Variants in EXO1 observed in about 807,000 individuals in gnomAD.
The protein encoded by EXO1 is exonuclease 1.
Under a neutral mutation model 84.5 loss-of-function variants are expected in EXO1, and 69 were observed. The observed-to-expected ratio is 0.82, with a 90% confidence interval of 0.67 to 1.00. EXO1 has a LOEUF of 1.00. EXO1 is among the 50% of genes least tolerant of loss of function. The pLI is 0.00. For missense variants in EXO1, 1,045 were observed against 1,000.7 expected, an observed-to-expected ratio of 1.04 and a Z score of -0.60; for synonymous variants, 373 against 366.1, an observed-to-expected ratio of 1.02 and a Z score of -0.21.
intron 13 of EXO1, among the ~76,000 whole-genome samples, chr1:241,879,620 C>G (rs553878221): frequency 2.6e-5 from 4 of 152,112 alleles, no homozygotes; most frequent in Non-Finnish European, 5.9e-5. Context: ...ACAGTTAAAA[C>G]CGAGGCAGAG....
At chr1:241,854,933 G>C (rs1660885778) in intron 6 of EXO1, among the ~76,000 whole-genome samples, 1 of 151,918 alleles carries the variant, frequency 6.6e-6, no homozygotes, top group African/African-American at 2.4e-5. Flanking sequence ...CAGCTCTTAA[G>C]GCAGCGCGTC....
At position 241,872,024 on chromosome 1, in the gene EXO1, T is replaced by C. The variant is rs1662127280; in HGVS notation, c.1268-8T>C. The C allele has an allele frequency of 1.2e-6, 2 of 1,612,492 alleles. No homozygotes were observed. The highest frequency in any genetic ancestry group is 1.3e-5 in the African/African-American group (1 of 74,864). The stretch of plus-strand genomic sequence containing the variant: ...CAAAGATTTACAGATAATTTTGTTT[T>C]TATTTAGCAGAGCTGTCAGAAGATG... On this transcript the variant is annotated splice_polypyrimidine_tract_variant and splice_region_variant and intron_variant, in intron 11 of 15. Coordinates refer to ENST00000366548, the MANE Select transcript of EXO1 (RefSeq NM_130398.4).
chr1:241,858,384 A>G (rs1574142062), intron 7 of EXO1, 122 bp from the exon 8 acceptor site: 12 of 676,708 alleles, frequency 1.8e-5, no homozygotes, highest in Middle Eastern at 2.8e-4. Context: ...CTGTCTATCT[A>G]TGTCTCCTGT....
rs1454280448 is a variant in EXO1 at position 241,848,821 on chromosome 1, A to AT, written c.-327dup. 7.2e-5 allele frequency: 11 copies of AT among 152,156 alleles called. No individual in the cohort carries two copies. The highest frequency in any genetic ancestry group is 2.7e-4 in the African/African-American group (11 of 41,434). 9.4% of individuals were successfully genotyped at this position (152,156 alleles called of 1,614,324 possible). The stretch of plus-strand genomic sequence containing the variant: ...GGGATAAAGTGAAGATGGTGCTGTT[A>AT]TTGTTACCTCGAGTGCCACATGCGA... On this transcript the variant is annotated 5_prime_UTR_variant, in exon 2 of 16. An upstream open reading frame in the 5' UTR gains an earlier in-frame stop. Transcript: ENST00000366548. The surrounding 1 kb of genome is among the most constrained non-coding windows in gnomAD (Gnocchi z 4.2).
chr1:241,857,612 A>C (rs1661137268), intron 7 of EXO1, 130 bp downstream of exon 7: 2 of 304,906 alleles, frequency 6.6e-6, no homozygotes, highest in Non-Finnish European at 1.1e-5. Context: ...TATTTATAAA[A>C]TATTACAAGG....
intron 6 of EXO1, among the ~76,000 whole-genome samples, chr1:241,855,749 G>A (rs1216084263): frequency 6.6e-6 from 1 of 152,258 alleles, no homozygotes; most frequent in Non-Finnish European, 1.5e-5. Context: ...AAGGCCCCGC[G>A]AGAAATAGAG....
At position 241,850,547 on chromosome 1, in the gene EXO1, C is replaced by T; in HGVS notation, c.122C>T (p.Ala41Val). 1 of 1,613,926 alleles carries T rather than the reference C, an allele frequency of 6.2e-7. No individual in the cohort carries two copies. Among genetic ancestry groups the T allele is most frequent in the South Asian group, 1.1e-5 (1 of 91,080 alleles). ...TYCWLHKGAI[A>V]CAEKLAKGEP... is the part of the protein sequence containing the mutation. The stretch of plus-strand genomic sequence containing the variant: ...TGCTGGCTTCACAAAGGAGCTATTG[C>T]TTGTGCTGAAAAACTAGCCAAAGGT... The change falls in exon 4 of 16, where the codon GCT becomes GTT. Residue 41 changes from alanine to valine, a missense_variant. By Grantham distance (64) the Ala-to-Val change is moderately conservative. Coordinates refer to ENST00000366548, the MANE Select transcript of EXO1 (RefSeq NM_130398.4).
At chr1:241,879,974 TC>T (rs1662657587) in intron 13 of EXO1, among the ~76,000 whole-genome samples, 1 of 145,866 alleles carries the variant, frequency 6.9e-6, no homozygotes, top group Non-Finnish European at 1.5e-5. Context: ...GCCACTGTAC[TC>T]CAGCCTGGGG....
chr1:241,866,262 C>T (rs1011639662), intron 10 of EXO1, among the ~76,000 whole-genome samples: 11 of 152,236 alleles, frequency 7.2e-5, no homozygotes, highest in African/African-American at 2.4e-4. Context: ...TACAGGCACA[C>T]GCCACCACAC....
At position 241,878,749 on chromosome 1, in the gene EXO1, G is replaced by GT. The variant is rs763386152; in HGVS notation, c.1522dup (p.Cys508LeufsTer7). 1.0e-5 allele frequency: 16 copies of GT among 1,600,288 alleles called. No homozygotes were observed. The highest frequency in any genetic ancestry group is 1.7e-4 in the Middle Eastern group (1 of 6,050). The stretch of plus-strand genomic sequence containing the variant: ...TTGTTTCTATTGCTTTTTTTATTAG[G>GT]TTTTTTTGCAGTTCAGATTCTACTG... On this transcript the variant is annotated frameshift_variant and splice_region_variant, in exon 13 of 16. Coordinates refer to ENST00000366548, the MANE Select transcript of EXO1 (RefSeq NM_130398.4). LOFTEE classifies it high-confidence loss of function.
Position 241,879,258 on chromosome 1 carries a change from A to G in EXO1, c.2024A>G (p.Gln675Arg), listed in dbSNP as rs776504870. The G allele has an allele frequency of 8.1e-6, 13 of 1,599,990 alleles. No homozygotes were observed. The highest frequency in any genetic ancestry group is 1.1e-5 in the South Asian group (1 of 87,952). Residue 675 changes from glutamine (Q) to arginine (R), a missense_variant, in exon 13 of 16, where the codon CAG becomes CGG. Transcript: ENST00000366548. ...HPLREEACSS[Q>R]SQESGEFSLQ... ...TTACGAGAAGAGGCATGTTCTTCAC[A>G]GTCCCAGGAAAGTGGAGAATTCTCA... is the stretch of plus-strand genomic sequence containing the variant.
chr1:241,872,417 C>G, intron 12 of EXO1, 139 bp downstream of exon 12: 1 of 859,184 alleles, frequency 1.2e-6, no homozygotes, highest in Non-Finnish European at 1.9e-6. Flanking sequence ...AGTTTTGTTA[C>G]ATGGGTATAC....
At chr1:241,873,832 C>T (rs1260984795) in intron 12 of EXO1, among the ~76,000 whole-genome samples, 1 of 152,032 alleles carries the variant, frequency 6.6e-6, no homozygotes, top group African/African-American at 2.4e-5. Flanking sequence ...GTTGGGTGTC[C>T]CTGCCTAGGT....
intron 5 of EXO1, 33 bp downstream of exon 5, chr1:241,852,444 A>G (rs1660726569): frequency 6.3e-7 from 1 of 1,581,692 alleles, no homozygotes; most frequent in South Asian, 1.1e-5. Flanking sequence ...CTCTAACTTC[A>G]TTGCACTAAG....
intron 10 of EXO1, among the ~76,000 whole-genome samples, chr1:241,863,749 T>C (rs978209592): frequency 3.9e-5 from 6 of 152,228 alleles, no homozygotes; most frequent in Non-Finnish European, 7.3e-5. Flanking sequence ...CTCCATGTAA[T>C]ACGGTAGCCA....
intron 3 of EXO1, among the ~76,000 whole-genome samples, chr1:241,850,037 T>C (rs954706531): frequency 6.6e-6 from 1 of 151,430 alleles, no homozygotes; most frequent in Non-Finnish European, 1.5e-5. Context: ...ATCCCAGCAC[T>C]TTGGGAGGCC....
intron 6 of EXO1, among the ~76,000 whole-genome samples, chr1:241,855,204 C>G (rs764908243): frequency 6.6e-6 from 1 of 152,110 alleles, no homozygotes; most frequent in Non-Finnish European, 1.5e-5. Context: ...TTGGTAGAAC[C>G]GAGTGGTCTG....
intron 14 of EXO1, among the ~76,000 whole-genome samples, chr1:241,882,696 ATGTGTT>A (rs1662845743): frequency 1.3e-5 from 2 of 152,154 alleles, no homozygotes. Context: ...GTTGATTAAT[ATGTGTT>A]TAACCTCATT....
Position 241,850,527 on chromosome 1 carries a change from G to T in EXO1, c.102G>T (p.Trp34Cys), listed in dbSNP as rs1410487182. The change falls in exon 4 of 16, where the codon TGG becomes TGT. Residue 34 changes from tryptophan to cysteine, a missense_variant. By Grantham distance (215) the Trp-to-Cys change is radical. Coordinates refer to ENST00000366548, the MANE Select transcript of EXO1 (RefSeq NM_130398.4). ...GQVVAVDTYC[W>C]LHKGAIACAE... Reference sequence around the variant, plus strand: ...TAGTAGCTGTGGATACATATTGCTGGCTTCACAAAGGAGCTATTGCTTGTG... The same window carrying T: ...TAGTAGCTGTGGATACATATTGCTGTCTTCACAAAGGAGCTATTGCTTGTG... 1.2e-6 allele frequency: 2 copies of T among 1,614,008 alleles called. No homozygotes were observed. Among genetic ancestry groups the T allele is most frequent in the Non-Finnish European group, 1.7e-6 (2 of 1,179,918 alleles).
Sources: allele counts gnomAD v4.1 joint callset (sites outside exome capture counted in the v4.1 genomes callset), GRCh38; gene constraint gnomAD v4.1.1; non-coding constraint Gnocchi (gnomAD v3.1); transcripts MANE v1.5; gene names NCBI Gene and HGNC (gene_info 2026-07-23, HGNC 2026-07-21).